Variants in OR5AP2 observed in about 807,000 individuals in gnomAD.
OR5AP2 encodes olfactory receptor 5AP2.
For synonymous variants in OR5AP2, 142 were observed against 140.8 expected (o/e 1.01, Z -0.06); for missense variants, 409 against 378.9 (o/e 1.08, Z -0.66).
At position 56,641,942 on chromosome 11, in the gene OR5AP2, T is replaced by A. The variant is rs755809492; in HGVS notation, c.498A>T (p.Thr166=). 1 of 1,614,214 alleles carries A rather than the reference T, an allele frequency of 6.2e-7. No individual in the cohort carries two copies. The highest frequency in any genetic ancestry group is 8.5e-7 in the Non-Finnish European group (1 of 1,180,038). ...LAGCGNAAIH[T]GMTFRLSFCG... ...AAAAGGACAACCTAAAAGTCATCCC[T>A]GTATGTATGGCTGCATTTCCACAAC... Residue 166 remains threonine, a synonymous_variant, in exon 1 of 1, where the codon ACA becomes ACT. Transcript: ENST00000544374.
rs139226873 is a variant in OR5AP2 at position 56,641,800 on chromosome 11, T to G, written c.640A>C (p.Ile214Leu). Residue 214 changes from isoleucine (I) to leucine (L), a missense_variant, in exon 1 of 1, where the codon ATC becomes CTC. Transcript: ENST00000544374. ...ATGAGGACAATCATAACACAGCTGA[T>G]GACAATAAAACTTGAGAATGCCATG... ...VIMAFSSFIV[I>L]SCVMIVLISY... is the part of the protein sequence containing the mutation. 4,242 of 1,614,002 alleles carry G rather than the reference T, an allele frequency of 2.6e-3. 17 individuals are homozygous for G. The highest frequency in any genetic ancestry group is 3.4e-3 in the Non-Finnish European group (4,005 of 1,180,022).
rs1341591961 is a variant in OR5AP2, at chr11:56,642,200, A to T, written c.240T>A (p.Ser80=). 1 of 1,614,070 alleles carries T rather than the reference A, an allele frequency of 6.2e-7. No homozygotes were observed. Among genetic ancestry groups the T allele is most frequent in the Non-Finnish European group, 8.5e-7 (1 of 1,180,008 alleles). Residue 80 remains serine (S), a synonymous_variant, in exon 1 of 1, where the codon TCT becomes TCA. Transcript: ENST00000544374. ...CCAGCATCTTGGGAGTGACGGAAGAAGAGTAAGAGGCATCTACAAAAGAGA... is the reference window on the plus strand; with the variant it reads ...CCAGCATCTTGGGAGTGACGGAAGATGAGTAAGAGGCATCTACAAAAGAGA... ...SSLSFVDASY[S]SSVTPKMLVN...
Position 56,642,067 on chromosome 11 carries a change from C to T in OR5AP2, c.373G>A (p.Ala125Thr), listed in dbSNP as rs1355927698. The change falls in exon 1 of 1, where the codon GCA (alanine) becomes ACA (threonine). Residue 125 changes from alanine to threonine, a missense_variant. Coordinates refer to ENST00000544374, the MANE Select transcript of OR5AP2 (RefSeq NM_001002925.1). The part of the protein sequence containing the change: ...GTECFLLAMM[A>T]YDRYAAIWNP... Reference sequence around the variant, plus strand: ...CAAATGGCTGCATAGCGGTCATATGCCATCATGGCCAACAGGAAGCACTCA... The same window carrying T: ...CAAATGGCTGCATAGCGGTCATATGTCATCATGGCCAACAGGAAGCACTCA... 1 of 1,614,020 alleles carries T rather than the reference C, an allele frequency of 6.2e-7. No homozygotes were observed. The highest frequency in any genetic ancestry group is 1.7e-5 in the Admixed American group (1 of 60,028).
In OR5AP2 at chr11:56,642,259, G is replaced by T. The variant is rs1480669188; in HGVS notation, c.181C>A (p.Leu61Ile). The stretch of plus-strand genomic sequence containing the variant: ...AGAAAGAAATACATGGGGGTGTGGA[G>T]ACAGAGATCAATCTTAATCAATACA... ...MIVLIKIDLC[L>I]HTPMYFFLSS... Residue 61 changes from leucine to isoleucine, a missense_variant, in exon 1 of 1, where the codon CTC (leucine) becomes ATC (isoleucine). Transcript: ENST00000544374. 1.9e-6 allele frequency: 3 copies of T among 1,614,156 alleles called. No homozygotes were observed.
At position 56,641,649 on chromosome 11, in the gene OR5AP2, A is replaced by G. The variant is rs1565031387; in HGVS notation, c.791T>C (p.Met264Thr). Residue 264 changes from methionine to threonine, a missense_variant, in exon 1 of 1, where the codon ATG (methionine) becomes ACG (threonine). Coordinates refer to ENST00000544374, the MANE Select transcript of OR5AP2 (RefSeq NM_001002925.1). ...VTIFFGTILF[M>T]YLRPTSSYSM... ...GTAGCTAGATGTAGGGCGCAAGTAC[A>G]TGAAGAGGATTGTTCCAAAGAATAT... 2 of 1,614,170 alleles carry G rather than the reference A, an allele frequency of 1.2e-6. No homozygotes were observed. Among genetic ancestry groups the G allele is most frequent in the Non-Finnish European group, 8.5e-7 (1 of 1,180,044 alleles).
In OR5AP2 at chr11:56,641,807, A is replaced by C; in HGVS notation, c.633T>G (p.Phe211Leu). 6.2e-7 allele frequency: 1 copy of C among 1,614,218 alleles called. No individual in the cohort carries two copies. Among genetic ancestry groups the C allele is most frequent in the Non-Finnish European group, 8.5e-7 (1 of 1,180,034 alleles). ...CAATCATAACACAGCTGATGACAAT[A>C]AAACTTGAGAATGCCATGATCACAA... is the stretch of plus-strand genomic sequence containing the variant. ...NGIVIMAFSS[F>L]IVISCVMIVL... is the part of the protein sequence containing the mutation. Residue 211 changes from phenylalanine (F) to leucine (L), a missense_variant, in exon 1 of 1, where the codon TTT becomes TTG. Phe to Leu is a conservative substitution (Grantham distance 22). Transcript: ENST00000544374.
Position 56,642,330 on chromosome 11 carries a change from A to C in OR5AP2, c.110T>G (p.Phe37Cys). 6.8e-6 allele frequency: 11 copies of C among 1,613,300 alleles called. No homozygotes were observed. Among genetic ancestry groups the C allele is most frequent in the Non-Finnish European group, 8.5e-6 (10 of 1,179,966 alleles). ...CATGTTTGCCATATAGATCAACAGA[A>C]ACAATGCAAAGAGGACTCCTTGTAG... ...PDLQGVLFAL[F>C]LLIYMANMVG... The change falls in exon 1 of 1, where the codon TTT (phenylalanine) becomes TGT (cysteine). Residue 37 changes from phenylalanine to cysteine, a missense_variant. Phe to Cys is a radical substitution (Grantham distance 205). Coordinates refer to ENST00000544374, the MANE Select transcript of OR5AP2 (RefSeq NM_001002925.1).
chr11:56,642,152 C>G lies in OR5AP2; in HGVS notation c.288G>C (p.Lys96Asn). The change falls in exon 1 of 1, where the codon AAG (lysine) becomes AAC (asparagine). Residue 96 changes from lysine (K) to asparagine (N), a missense_variant. Transcript: ENST00000544374. Reference protein sequence around the residue: ...KMLVNLMAENKAISFHGCAAQ... With the variant: ...KMLVNLMAENNAISFHGCAAQ... ...CAGCACATCCATGAAAAGAAATGGC[C>G]TTATTCTCAGCCATGAGGTTCACCA... 1.2e-6 allele frequency: 2 copies of G among 1,614,116 alleles called. No individual in the cohort carries two copies. Among genetic ancestry groups the G allele is most frequent in the South Asian group, 1.1e-5 (1 of 91,082 alleles).
rs1384228908 is a variant in OR5AP2 at position 56,641,806 on chromosome 11, T to C, written c.634A>G (p.Ile212Val). ...GIVIMAFSSFIVISCVMIVLI... is the reference protein window; with the variant it reads ...GIVIMAFSSFVVISCVMIVLI... The stretch of plus-strand genomic sequence containing the variant: ...ACAATCATAACACAGCTGATGACAA[T>C]AAAACTTGAGAATGCCATGATCACA... Residue 212 changes from isoleucine to valine, a missense_variant, in exon 1 of 1, where the codon ATT becomes GTT. Coordinates refer to ENST00000544374, the MANE Select transcript of OR5AP2 (RefSeq NM_001002925.1). 1 of 1,614,136 alleles carries C rather than the reference T, an allele frequency of 6.2e-7. No homozygotes were observed.
Position 56,641,980 on chromosome 11 carries a change from A to C in OR5AP2, c.460T>G (p.Ser154Ala). The change falls in exon 1 of 1, where the codon TCC (serine) becomes GCC (alanine). Residue 154 changes from serine (S) to alanine (A), a missense_variant. Physicochemically the swap from Ser to Ala is moderately conservative, Grantham distance 99. Coordinates refer to ENST00000544374, the MANE Select transcript of OR5AP2 (RefSeq NM_001002925.1). ...GCATTTCCACAACCTGCTAAGAAGG[A>C]GGTAGCTATTAGCAAAAAGCAAATT... ...GRICFLLIATSFLAGCGNAAI... is the reference protein window; with the variant it reads ...GRICFLLIATAFLAGCGNAAI... 6.2e-7 allele frequency: 1 copy of C among 1,614,174 alleles called. No homozygotes were observed. The highest frequency in any genetic ancestry group is 8.5e-7 in the Non-Finnish European group (1 of 1,180,026).
At position 56,641,869 on chromosome 11, in the gene OR5AP2, G is replaced by A. The variant is rs1405390995; in HGVS notation, c.571C>T (p.Leu191Phe). The stretch of plus-strand genomic sequence containing the variant: ...TGGGTATCAGAGCAAGAGAGTTTGA[G>A]CAGTGGCGGGGTGTCACAGTAGAAA... ...NHFYCDTPPL[L>F]KLSCSDTHFN... Residue 191 changes from leucine to phenylalanine, a missense_variant, in exon 1 of 1, where the codon CTC becomes TTC. Coordinates refer to ENST00000544374, the MANE Select transcript of OR5AP2 (RefSeq NM_001002925.1). The A allele has an allele frequency of 2.5e-6, 4 of 1,614,232 alleles. No individual in the cohort carries two copies. In the East Asian group the frequency reaches 8.9e-5, roughly 36 times the overall value.
chr11:56,641,752 C>A lies in OR5AP2; in HGVS notation c.688G>T (p.Ala230Ser). The A allele has an allele frequency of 1.2e-6, 2 of 1,613,906 alleles. No homozygotes were observed. The highest frequency in any genetic ancestry group is 1.7e-6 in the Non-Finnish European group (2 of 1,179,938). ...VLISYLCIFIAVLKMPSLEGR... is the reference protein window; with the variant it reads ...VLISYLCIFISVLKMPSLEGR... ...TCTAACGAAGGCATCTTCAAGACGG[C>A]AATGAAGATACACAGGTAGGAAATG... Residue 230 changes from alanine (A) to serine (S), a missense_variant, in exon 1 of 1, where the codon GCC (alanine) becomes TCC (serine). Ala to Ser is a moderately conservative substitution (Grantham distance 99). Transcript: ENST00000544374.
In OR5AP2 at chr11:56,642,250, G is replaced by C. The variant is rs759836075; in HGVS notation, c.190C>G (p.Pro64Ala). The C allele has an allele frequency of 6.2e-7, 1 of 1,614,154 alleles. No individual in the cohort carries two copies. The highest frequency in any genetic ancestry group is 2.2e-5 in the East Asian group (1 of 44,882). ...AGGCTACTGAGAAAGAAATACATGG[G>C]GGTGTGGAGACAGAGATCAATCTTA... ...LIKIDLCLHT[P>A]MYFFLSSLSF... The change falls in exon 1 of 1, where the codon CCC becomes GCC. Residue 64 changes from proline (P) to alanine (A), a missense_variant. Pro to Ala is a conservative substitution (Grantham distance 27, BLOSUM62 -1). Coordinates refer to ENST00000544374, the MANE Select transcript of OR5AP2 (RefSeq NM_001002925.1).
Position 56,641,713 on chromosome 11 carries a change from C to A in OR5AP2, c.727G>T (p.Ala243Ser). 6.2e-7 allele frequency: 1 copy of A among 1,613,992 alleles called. No homozygotes were observed. The highest frequency in any genetic ancestry group is 8.5e-7 in the Non-Finnish European group (1 of 1,179,954). ...KMPSLEGRHK[A>S]FSTCASYLMA... ...AGGTAAGAGGCACAGGTGGAGAAGGCTTTGTGCCTGCCCTCTAACGAAGGC... is the reference window on the plus strand; with the variant it reads ...AGGTAAGAGGCACAGGTGGAGAAGGATTTGTGCCTGCCCTCTAACGAAGGC... Residue 243 changes from alanine to serine, a missense_variant, in exon 1 of 1, where the codon GCC becomes TCC. Physicochemically the swap from Ala to Ser is moderately conservative, Grantham distance 99. Coordinates refer to ENST00000544374, the MANE Select transcript of OR5AP2 (RefSeq NM_001002925.1).
Position 56,641,505 on chromosome 11 carries a change from CATAAGATCTTCTTTA to C in OR5AP2, c.920_934del (p.Leu307_Trp312delinsArg), listed in dbSNP as rs759625612. 1.2e-5 allele frequency: 19 copies of C among 1,587,624 alleles called. No individual in the cohort carries two copies. The highest frequency in any genetic ancestry group is 1.2e-5 in the Non-Finnish European group (14 of 1,158,748). On this transcript the variant is annotated inframe_deletion, in exon 1 of 1. Coordinates refer to ENST00000544374, the MANE Select transcript of OR5AP2 (RefSeq NM_001002925.1). Reference sequence around the variant, plus strand: ...AACATGGCTCTACAAGATGTGTTTCCATAAGATCTTCTTTAGGGCCTTTTTTACATCCTTATTTTT... The same window carrying C: ...AACATGGCTCTACAAGATGTGTTTCCGGGCCTTTTTTACATCCTTATTTTT...
chr11:56,642,291 C>T lies in OR5AP2; in HGVS notation c.149G>A (p.Gly50Glu). ...IYMANMVGNL[G>E]MIVLIKIDLC... ...ATCAATCTTAATCAATACAATCATC[C>T]CCAAATTGCCCACCATGTTTGCCAT... Residue 50 changes from glycine to glutamate, a missense_variant, in exon 1 of 1, where the codon GGG becomes GAG. Transcript: ENST00000544374. The T allele has an allele frequency of 6.2e-7, 1 of 1,613,940 alleles. No individual in the cohort carries two copies. The highest frequency in any genetic ancestry group is 8.5e-7 in the Non-Finnish European group (1 of 1,180,000).
Position 56,642,211 on chromosome 11 carries a change from C to A in OR5AP2, c.229G>T (p.Ala77Ser), listed in dbSNP as rs780201161. The change falls in exon 1 of 1, where the codon GCC becomes TCC. Residue 77 changes from alanine to serine, a missense_variant. Physicochemically the swap from Ala to Ser is moderately conservative, Grantham distance 99. Transcript: ENST00000544374. ...GGAGTGACGGAAGAAGAGTAAGAGG[C>A]ATCTACAAAAGAGAGGCTACTGAGA... ...FFLSSLSFVD[A>S]SYSSSVTPKM... 1.2e-5 allele frequency: 19 copies of A among 1,613,992 alleles called. No homozygotes were observed. In the South Asian group the frequency reaches 2.1e-4, roughly 18 times the overall value.
chr11:56,641,505 C>T lies in OR5AP2; in HGVS notation c.935G>A (p.Trp312Ter), dbSNP rs1565031294. 6.3e-7 allele frequency: 1 copy of T among 1,587,744 alleles called. No homozygotes were observed. Residue 312 changes from tryptophan to a stop codon, truncating the protein, a stop_gained, in exon 1 of 1, where the codon TGG becomes TAG. Transcript: ENST00000544374. LOFTEE classifies it high-confidence loss of function. ...AACATGGCTCTACAAGATGTGTTTC[C>T]ATAAGATCTTCTTTAGGGCCTTTTT... ...DVKKALKKIL[W>*]KHIL
In OR5AP2 at chr11:56,642,116, G is replaced by A; in HGVS notation, c.324C>T (p.Tyr108=). 1 of 1,614,148 alleles carries A rather than the reference G, an allele frequency of 6.2e-7. No homozygotes were observed. The highest frequency in any genetic ancestry group is 8.5e-7 in the Non-Finnish European group (1 of 1,180,030). Reference sequence around the variant, plus strand: ...CAGTCCCCAGGAAGGAGCCAAAGAAGTAGAACTGGGCAGCACATCCATGAA... The same window carrying A: ...CAGTCCCCAGGAAGGAGCCAAAGAAATAGAACTGGGCAGCACATCCATGAA... The part of the protein sequence containing the change: ...ISFHGCAAQF[Y]FFGSFLGTEC... Residue 108 remains tyrosine (Y), a synonymous_variant, in exon 1 of 1, where the codon TAC becomes TAT. Coordinates refer to ENST00000544374, the MANE Select transcript of OR5AP2 (RefSeq NM_001002925.1).
Sources: allele counts gnomAD v4.1 joint callset, GRCh38; gene constraint gnomAD v4.1.1; transcripts MANE v1.5; gene names NCBI Gene and HGNC (gene_info 2026-07-23, HGNC 2026-07-21).